SLC6A12: variants seen among roughly 807,000 people sequenced by gnomAD.
SLC6A12 encodes sodium- and chloride-dependent betaine transporter.
In SLC6A12, 50 loss-of-function variants were observed where a neutral mutation model predicts 73.3. The ratio of observed to expected loss-of-function variants is 0.68; its 90% CI spans 0.54 to 0.86. The LOEUF (loss-of-function observed/expected upper bound fraction) is 0.86. Among genes scored for constraint, SLC6A12 ranks in the 40% least tolerant of loss-of-function variants. The pLI, the probability that SLC6A12 is intolerant of heterozygous loss-of-function variation, is 0.00. For synonymous variants in SLC6A12, 304 were observed against 309.2 expected, an observed-to-expected ratio of 0.98 and a Z score of 0.18; for missense variants, 648 against 772.8, an observed-to-expected ratio of 0.84 and a Z score of 1.92.
intron 14 of SLC6A12, chr12:192,956 G>A: frequency 2.0e-6 from 1 of 494,042 alleles, no homozygotes; most frequent in Non-Finnish European, 3.7e-6. Context: ...GAGACAGGGG[G>A]TGATACAAAG....
intron 11 of SLC6A12, 127 bp downstream of exon 11, chr12:196,643 C>A: frequency 2.7e-6 from 2 of 732,116 alleles, no homozygotes; most frequent in East Asian, 2.6e-5. Flanking sequence ...AGGAAAAGCC[C>A]TGGACAGCAG....
chr12:197,407 C>T lies in SLC6A12; in HGVS notation c.1045G>A (p.Gly349Arg). Residue 349 changes from glycine (G) to arginine (R), a missense_variant, in exon 10 of 16, where the codon GGG (glycine) becomes AGG (arginine). Physicochemically the swap from Gly to Arg is moderately radical, Grantham distance 125 (BLOSUM62 -2). Transcript: ENST00000684302. ...TCGGCCACTTCAGAAATGGGCACCC[C>T]TTGCTCTTGGGACATGAAGCCCAGG... ...SILGFMSQEQ[G>R]VPISEVAESG... The T allele has an allele frequency of 6.2e-7, 1 of 1,613,814 alleles. No homozygotes were observed. Among genetic ancestry groups the T allele is most frequent in the Non-Finnish European group, 8.5e-7 (1 of 1,179,866 alleles).
At chr12:200,141 G>A (rs544931139) in intron 7 of SLC6A12, among the ~76,000 whole-genome samples, 3 of 135,168 alleles carry the variant, frequency 2.2e-5, no homozygotes, top group African/African-American at 8.4e-5. Flanking sequence ...GACGGAGTCT[G>A]GCTGTCGCCC....
intron 3 of SLC6A12, among the ~76,000 whole-genome samples, chr12:208,069 G>A (rs1940736889): frequency 6.6e-6 from 1 of 152,218 alleles, no homozygotes; most frequent in Non-Finnish European, 1.5e-5. Flanking sequence ...CCTCCCAGAT[G>A]GCTGGGTGAG....
At chr12:202,641 G>A (rs1940334415) in intron 5 of SLC6A12, 99 bp downstream of exon 5, 2 of 1,306,378 alleles carry the variant, frequency 1.5e-6, no homozygotes, top group Non-Finnish European at 2.1e-6. Context: ...TGCCAGGCAG[G>A]TTCTGCTACA....
In SLC6A12 at chr12:190,091, T is replaced by A. The variant is rs1280761693; in HGVS notation, c.*977A>T. ...GGAGACCAGCACGCATGGAAGGCAA[T>A]CCATACACACTTGTTAACTAAGGCA... On this transcript the variant is annotated 3_prime_UTR_variant, in exon 16 of 16. Coordinates refer to ENST00000684302, the MANE Select transcript of SLC6A12 (RefSeq NM_001122848.3). The A allele has an allele frequency of 1.3e-5, 2 of 152,360 alleles. No homozygotes were observed. Among genetic ancestry groups the A allele is most frequent in the Admixed American group, 1.3e-4 (2 of 15,294 alleles). The allele number at this position is 152,360 out of a possible 1,614,324, so 9.4% of individuals were successfully genotyped here. A position where few individuals can be genotyped will look rare whatever the true frequency, so the allele number is the denominator to read the frequency against.
At position 196,833 on chromosome 12, in the gene SLC6A12, G is replaced by A. The variant is rs1400401631; in HGVS notation, c.1125C>T (p.Pro375=). ...ACAGGCAGGACCACAGCTGGGATAAGGGCATCATAGTCACAGCCTTGGGGA... is the reference window on the plus strand; with the variant it reads ...ACAGGCAGGACCACAGCTGGGATAAAGGCATCATAGTCACAGCCTTGGGGA... ...IAFPKAVTMM[P]LSQLWSCLFF... Residue 375 remains proline (P), a synonymous_variant, in exon 11 of 16, where the codon CCC becomes CCT. Coordinates refer to ENST00000684302, the MANE Select transcript of SLC6A12 (RefSeq NM_001122848.3). The A allele has an allele frequency of 1.9e-6, 3 of 1,613,966 alleles. No homozygotes were observed. Among genetic ancestry groups the A allele is most frequent in the African/African-American group, 1.3e-5 (1 of 75,046 alleles).
intron 3 of SLC6A12, among the ~76,000 whole-genome samples, chr12:207,813 C>T (rs1224862762): frequency 6.6e-6 from 1 of 152,190 alleles, no homozygotes; most frequent in Admixed American, 6.5e-5. Flanking sequence ...GAAGGGGACC[C>T]CAACCTCATT....
the SLC6A12 span, among the ~76,000 whole-genome samples, chr12:185,069 A>G: frequency 6.6e-6 from 1 of 152,250 alleles, no homozygotes; most frequent in African/African-American, 2.4e-5. Flanking sequence ...AAGAATCATG[A>G]TCGGAGACAT....
chr12:194,712 T>G (rs1939781390), intron 13 of SLC6A12, among the ~76,000 whole-genome samples: 2 of 152,196 alleles, frequency 1.3e-5, no homozygotes, highest in Admixed American at 6.5e-5. Flanking sequence ...GCCAGGCTGC[T>G]GGCGGAAGTC....
intron 5 of SLC6A12, among the ~76,000 whole-genome samples, chr12:202,311 C>T (rs959731290): frequency 2.0e-5 from 3 of 152,128 alleles, no homozygotes; most frequent in African/African-American, 4.8e-5. Flanking sequence ...TCTGCAGTTT[C>T]GTTCACCTAT....
chr12:204,500 G>C, intron 4 of SLC6A12, 64 bp downstream of exon 4: 2 of 1,502,382 alleles, frequency 1.3e-6, no homozygotes, highest in Middle Eastern at 3.7e-4. Context: ...GGCAGGGAGA[G>C]ACCATGGGGG....
chr12:212,495 G>A (rs1229582213), intron 1 of SLC6A12, among the ~76,000 whole-genome samples: 2 of 152,184 alleles, frequency 1.3e-5, no homozygotes, highest in Admixed American at 6.5e-5. Context: ...CTGGTGAACC[G>A]ACACTGACGC....
chr12:187,777 T>C (rs1399887902), downstream of SLC6A12, among the ~76,000 whole-genome samples: 1 of 152,056 alleles, frequency 6.6e-6, no homozygotes. Context: ...ATTGGTCCAT[T>C]TTACAGAGCG....
rs1471313928 is a variant in SLC6A12 at position 198,172 on chromosome 12, T to A, written c.847-169A>T. Among the ~76,000 whole-genome samples the A allele has an allele frequency of 2.0e-5, 3 of 152,182 alleles. No individual in the cohort carries two copies. Among genetic ancestry groups the A allele is most frequent in the Non-Finnish European group, 4.4e-5 (3 of 68,030 alleles). On this transcript the variant is annotated intron_variant, in intron 8 of 15. Coordinates refer to ENST00000684302, the MANE Select transcript of SLC6A12 (RefSeq NM_001122848.3). The surrounding 1 kb of genome is among the most constrained non-coding windows in gnomAD (Gnocchi z 4.0). ...TGAGTGCGCCCTCCGGTCTCCACGG[T>A]GATCTCCTCCCCAGTGCGGCCCAGT...
chr12:199,157 G>T, intron 7 of SLC6A12: 1 of 379,150 alleles, frequency 2.6e-6, no homozygotes, highest in Non-Finnish European at 5.0e-6. Flanking sequence ...GTGGGGAGGG[G>T]AGGAGGAAGA....
At chr12:185,079 T>C (rs546131135), downstream of SLC6A12, among the ~76,000 whole-genome samples, 5 of 152,244 alleles carry the variant, frequency 3.3e-5, no homozygotes, top group South Asian at 1.0e-3. Context: ...ATCGGAGACA[T>C]AAAACTGTCA....
At chr12:207,823 T>C (rs1940725207) in intron 3 of SLC6A12, among the ~76,000 whole-genome samples, 1 of 152,156 alleles carries the variant, frequency 6.6e-6, no homozygotes, top group African/African-American at 2.4e-5. Context: ...CCAACCTCAT[T>C]TGGCCCCCTC....
Position 190,721 on chromosome 12 carries a change from C to T in SLC6A12, c.*347G>A, listed in dbSNP as rs2075228. 71,129 of 176,358 alleles carry T rather than the reference C, an allele frequency of 0.4. 14,751 individuals carry two copies. The highest frequency in any genetic ancestry group is 0.5 in the African/African-American group (21,171 of 42,484). 10.9% of individuals were successfully genotyped at this position (176,358 alleles called of 1,614,324 possible). On this transcript the variant is annotated 3_prime_UTR_variant, in exon 16 of 16. Transcript: ENST00000684302. ...CCTCTCCCCGTGTACAAATGCAGTACGCTCTAACAAGAGGCATCCCCACAG... is the reference window on the plus strand; with the variant it reads ...CCTCTCCCCGTGTACAAATGCAGTATGCTCTAACAAGAGGCATCCCCACAG...
Sources: gnomAD v4.1 joint callset for allele counts (sites outside exome capture counted in the v4.1 genomes callset) on GRCh38, gnomAD v4.1.1 for gene constraint, Gnocchi (gnomAD v3.1) non-coding constraint, MANE v1.5 for transcripts, NCBI Gene and HGNC (gene_info 2026-07-23, HGNC 2026-07-21) for gene names.